ATP11C: variants seen among roughly 807,000 people sequenced by gnomAD.
ATP11C encodes the protein phospholipid-transporting ATPase IG.
In ATP11C, 36 loss-of-function variants were observed where a neutral mutation model predicts 97.4. The ratio of observed to expected loss-of-function variants is 0.37; its 90% CI spans 0.28 to 0.49. The LOEUF (loss-of-function observed/expected upper bound fraction) is 0.49. ATP11C is among the 20% of genes least tolerant of loss of function. The pLI is 0.98. For synonymous variants in ATP11C, 275 were observed against 290.9 expected (o/e 0.95, Z 0.56); for missense variants, 730 against 824.6 (o/e 0.89, Z 1.40).
At chrX:139,787,033 A>G in intron 15 of ATP11C, 140 bp downstream of exon 15, 1 of 878,776 alleles carries the variant, frequency 1.1e-6, no homozygotes. Context: ...TACCCCAACT[A>G]TATTTACATA....
At chrX:139,755,278 T>C (rs762726507) in intron 23 of ATP11C, among the ~76,000 whole-genome samples, 2 of 111,327 alleles carry the variant, frequency 1.8e-5, no homozygotes, top group South Asian at 7.5e-4. Flanking sequence ...AGCTAACCAG[T>C]GAGGTGAAAG....
rs1161825346 is a variant in ATP11C, at chrX:139,932,186, C to A, written c.-144G>T. On this transcript the variant is annotated 5_prime_UTR_variant, in exon 1 of 30. Coordinates refer to ENST00000682941, the MANE Select transcript of ATP11C (RefSeq NM_001353812.2). The stretch of plus-strand genomic sequence containing the variant: ...CCGGGCCACCCGCTCGCCGCCTGCC[C>A]CCCTCGGCTCTCCGCGCTCCCCCGC... 2.6e-6 allele frequency: 1 copy of A among 380,273 alleles called. No individual in the cohort carries two copies. The highest frequency in any genetic ancestry group is 3.5e-6 in the Non-Finnish European group (1 of 283,019). The allele number at this position is 380,273 out of a possible 1,213,427, so 31.3% of individuals were successfully genotyped here.
intron 28 of ATP11C, chrX:139,732,422 G>A (rs1041842768): frequency 4.3e-5 from 15 of 352,435 alleles, no homozygotes; most frequent in African/African-American, 2.3e-4. Flanking sequence ...GGTACATTAA[G>A]AAAGGAAATC....
intron 7 of ATP11C, among the ~76,000 whole-genome samples, chrX:139,800,674 C>G (rs2082908224): frequency 9.0e-6 from 1 of 111,539 alleles, no homozygotes; most frequent in African/African-American, 3.3e-5. Context: ...CACTTGAATG[C>G]CATCTTGGAA....
intron 20 of ATP11C, among the ~76,000 whole-genome samples, chrX:139,764,077 G>T (rs2082089792): frequency 1.8e-5 from 2 of 112,189 alleles, no homozygotes; most frequent in South Asian, 7.4e-4. Context: ...CAAGTAGGAA[G>T]TCAGAGAACA....
At chrX:139,833,538 T>C (rs1021934805) in intron 1 of ATP11C, among the ~76,000 whole-genome samples, 1 of 110,215 alleles carries the variant, frequency 9.1e-6, no homozygotes, top group Admixed American at 9.7e-5. Flanking sequence ...AAATTTTTTT[T>C]AATTAGCGGG....
At chrX:139,746,552 C>A (rs2081690540) in intron 24 of ATP11C, among the ~76,000 whole-genome samples, 1 of 112,019 alleles carries the variant, frequency 8.9e-6, no homozygotes, top group South Asian at 3.7e-4. Flanking sequence ...AGAACAATTA[C>A]AATATTTATT....
chrX:139,831,197 G>C (rs1300675502), intron 1 of ATP11C, among the ~76,000 whole-genome samples: 1 of 111,476 alleles, frequency 9.0e-6, no homozygotes, highest in East Asian at 2.8e-4. Context: ...GACTGATGGG[G>C]CATTTTGTGT....
At chrX:139,835,363 A>G (rs1379635605) in intron 1 of ATP11C, among the ~76,000 whole-genome samples, 2 of 110,796 alleles carry the variant, frequency 1.8e-5, no homozygotes, top group African/African-American at 6.6e-5. Context: ...CTTGGAGAGG[A>G]CTTGACTAAA....
intron 1 of ATP11C, among the ~76,000 whole-genome samples, chrX:139,876,906 G>T (rs918417880): frequency 1.8e-5 from 2 of 112,586 alleles, no homozygotes; most frequent in African/African-American, 6.5e-5. Context: ...GACAAGAAAT[G>T]CCTGCAGGTG....
Position 139,786,938 on chromosome X carries a change from A to T in ATP11C, c.1592+235T>A, listed in dbSNP as rs765096240. 8.9e-5 allele frequency among the ~76,000 whole-genome samples: 10 copies of T among 112,225 alleles called. No homozygotes were observed. In the East Asian group the frequency reaches 2.8e-3, roughly 32 times the overall value. ...TGAGAAACATTCCAGGCAAACTCTC[A>T]TTCTGGCTACTGGACCCAGATGTGA... On this transcript the variant is annotated intron_variant, in intron 15 of 29. Coordinates refer to ENST00000682941, the MANE Select transcript of ATP11C (RefSeq NM_001353812.2).
intron 5 of ATP11C, among the ~76,000 whole-genome samples, chrX:139,806,172 C>A (rs149185226): frequency 0.02 from 2,206 of 111,372 alleles, 25 homozygotes; most frequent in Non-Finnish European, 0.03. Context: ...CTCAGACTGA[C>A]AAGATGGGTA....
At chrX:139,851,560 G>A (rs1163224767) in intron 1 of ATP11C, among the ~76,000 whole-genome samples, 1 of 111,346 alleles carries the variant, frequency 9.0e-6, no homozygotes, top group Non-Finnish European at 1.9e-5. Context: ...ATGGGACTGG[G>A]ACCATTACCA....
upstream of ATP11C, among the ~76,000 whole-genome samples, chrX:139,933,625 G>C (rs764137791): frequency 3.6e-5 from 4 of 112,176 alleles, no homozygotes; most frequent in Non-Finnish European, 7.5e-5. Flanking sequence ...AGAAGGAAAG[G>C]GAGTTCAGAG....
chrX:139,783,362 G>T, intron 16 of ATP11C, 95 bp from the exon 17 acceptor site: 1 of 583,719 alleles, frequency 1.7e-6, no homozygotes, highest in Non-Finnish European at 2.8e-6. Context: ...TCTCACCCAA[G>T]TGTTGTATAT....
At chrX:139,909,508 A>G (rs1040166424) in intron 1 of ATP11C, among the ~76,000 whole-genome samples, 4 of 110,715 alleles carry the variant, frequency 3.6e-5, no homozygotes, top group Admixed American at 9.7e-5. Flanking sequence ...AAACTTATGC[A>G]TGGGATAAAA....
At chrX:139,752,320 TG>T (rs1447482406) in intron 23 of ATP11C, among the ~76,000 whole-genome samples, 2 of 111,868 alleles carry the variant, frequency 1.8e-5, no homozygotes, top group Non-Finnish European at 3.8e-5. Context: ...GCAAGTTTCA[TG>T]GGGGCAAGGA....
chrX:139,872,423 A>G (rs191880149), intron 1 of ATP11C, among the ~76,000 whole-genome samples: 6 of 111,201 alleles, frequency 5.4e-5, no homozygotes, highest in Non-Finnish European at 1.1e-4. Context: ...CAGGTTTGTT[A>G]CATATGTATA....
intron 1 of ATP11C, among the ~76,000 whole-genome samples, chrX:139,898,513 G>A (rs2084845847): frequency 9.0e-6 from 1 of 111,543 alleles, no homozygotes; most frequent in Admixed American, 9.6e-5. Context: ...AGGAGCTACA[G>A]GCAAACAGAG....
Sources: gnomAD v4.1 joint callset for allele counts (sites outside exome capture counted in the v4.1 genomes callset) on GRCh38, gnomAD v4.1.1 for gene constraint, MANE v1.5 for transcripts, NCBI Gene and HGNC (gene_info 2026-07-23, HGNC 2026-07-21) for gene names.